ZFAT: variants seen among roughly 807,000 people sequenced by gnomAD.
ZFAT encodes zinc finger protein ZFAT.
ZFAT carries 64 observed loss-of-function variants against 117.7 expected under a neutral mutation model. The observed-to-expected ratio is 0.54, with a 90% CI of 0.44 to 0.67. ZFAT has a LOEUF of 0.67. ZFAT is among the 30% of genes least tolerant of loss of function. The pLI, the probability that ZFAT is intolerant of heterozygous loss-of-function variation, is 0.00. For missense variants in ZFAT, 1,433 were observed against 1,584.5 expected (o/e 0.90, Z 1.62); for synonymous variants, 679 against 615.0 (o/e 1.10, Z -1.54).
intron 1 of ZFAT, among the ~76,000 whole-genome samples, chr8:134,688,147 G>C (rs1039553653): frequency 6.6e-6 from 1 of 152,160 alleles, no homozygotes; most frequent in African/African-American, 2.4e-5. Flanking sequence ...GGGAAAAAAG[G>C]GCTTTGTAGA....
intron 1 of ZFAT, among the ~76,000 whole-genome samples, chr8:134,688,446 A>G (rs1267290381): frequency 1.3e-5 from 2 of 152,224 alleles, no homozygotes; most frequent in African/African-American, 4.8e-5. Flanking sequence ...TTTGAGAGAC[A>G]ATATAAACAA....
chr8:134,713,095 A>C, upstream of ZFAT: 1 of 429,478 alleles, frequency 2.3e-6, no homozygotes, highest in Non-Finnish European at 4.0e-6. Context: ...GCTTCGGGTG[A>C]CCCTCCCCCG....
At chr8:134,540,622 T>A (rs1469380627) in intron 11 of ZFAT, among the ~76,000 whole-genome samples, 2 of 152,186 alleles carry the variant, frequency 1.3e-5, no homozygotes, top group Non-Finnish European at 2.9e-5. Flanking sequence ...CCTATTAAAC[T>A]GTACCTACTT....
chr8:134,830,585 A>T, the ZFAT span, among the ~76,000 whole-genome samples: 1 of 152,238 alleles, frequency 6.6e-6, no homozygotes, highest in Non-Finnish European at 1.5e-5. Context: ...GGTTAACACC[A>T]AATTCACAGG....
At chr8:134,606,876 C>A (rs895937767) in intron 5 of ZFAT, among the ~76,000 whole-genome samples, 5 of 151,750 alleles carry the variant, frequency 3.3e-5, no homozygotes. Context: ...GCAATAAGAT[C>A]ATAAATGACT....
At chr8:134,600,394 C>T in intron 7 of ZFAT, 42 bp downstream of exon 7, 1 of 1,545,534 alleles carries the variant, frequency 6.5e-7, no homozygotes, top group South Asian at 1.1e-5. Context: ...AAGCAATGAG[C>T]ACCCAGGGGA....
At chr8:134,680,798 C>T (rs1833037932) in intron 1 of ZFAT, among the ~76,000 whole-genome samples, 1 of 152,090 alleles carries the variant, frequency 6.6e-6, no homozygotes, top group African/African-American at 2.4e-5. Flanking sequence ...AAACTATCTA[C>T]CGAAAAATGA....
intron 11 of ZFAT, among the ~76,000 whole-genome samples, chr8:134,559,501 C>T (rs564890535): frequency 7.0e-4 from 106 of 152,340 alleles, no homozygotes; most frequent in Non-Finnish European, 1.2e-3. Flanking sequence ...GATAACCCTG[C>T]ACAGTAAGCA....
rs747011049 is a variant in ZFAT, at chr8:134,590,279, G to C, written c.2552C>G (p.Thr851Ser). ...ATGCACAACCTTACCAGGATGGTTG[G>C]TCTTGATATGTGACTTTATCAATCG... ...EDRLIKSHIK[T>S]NHPEVSMSTI... Residue 851 changes from threonine (T) to serine (S), a missense_variant, in exon 8 of 16, where the codon ACC becomes AGC. Physicochemically the swap from Thr to Ser is moderately conservative, Grantham distance 58. Coordinates refer to ENST00000377838, the MANE Select transcript of ZFAT (RefSeq NM_020863.4). The C allele has an allele frequency of 1.2e-6, 2 of 1,612,680 alleles. No homozygotes were observed. Among genetic ancestry groups the C allele is most frequent in the Non-Finnish European group, 1.7e-6 (2 of 1,178,944 alleles).
At chr8:134,687,183 CACT>C (rs1833362643) in intron 1 of ZFAT, among the ~76,000 whole-genome samples, 1 of 152,132 alleles carries the variant, frequency 6.6e-6, no homozygotes, top group Non-Finnish European at 1.5e-5. Flanking sequence ...AAATGCACAC[CACT>C]AATTTGTGAA....
chr8:134,779,759 T>C, the ZFAT span, among the ~76,000 whole-genome samples: 38 of 152,338 alleles, frequency 2.5e-4, no homozygotes, highest in African/African-American at 9.1e-4. Context: ...CCTATTATAC[T>C]TTTACAGTAG....
chr8:134,731,884 G>T, the ZFAT span, among the ~76,000 whole-genome samples: 2 of 152,184 alleles, frequency 1.3e-5, no homozygotes, highest in African/African-American at 4.8e-5. Flanking sequence ...CAATGCACTT[G>T]TCACAGTCAT....
rs746459398 is a variant in ZFAT, at chr8:134,712,884, G to GA, written c.-22dup. 75 of 1,506,192 alleles carry GA rather than the reference G, an allele frequency of 5.0e-5. No homozygotes were observed. Among genetic ancestry groups the GA allele is most frequent in the Middle Eastern group, 1.9e-4 (1 of 5,390 alleles). 93.3% of individuals were successfully genotyped at this position (1,506,192 alleles called of 1,614,324 possible). On this transcript the variant is annotated 5_prime_UTR_variant, in exon 1 of 16. Transcript: ENST00000377838. ...TCCATGGCAACGCCCCACCGCGGAG[G>GA]AAAAAAAAGCCTCGGGCTCTTCCGG...
At chr8:134,519,433 T>C (rs755907219) in intron 13 of ZFAT, among the ~76,000 whole-genome samples, 1 of 152,232 alleles carries the variant, frequency 6.6e-6, no homozygotes, top group Non-Finnish European at 1.5e-5. Context: ...TTTATGTATG[T>C]ATATATGTGT....
chr8:134,804,699 G>A, the ZFAT span, among the ~76,000 whole-genome samples: 3 of 152,154 alleles, frequency 2.0e-5, no homozygotes, highest in African/African-American at 7.2e-5. Context: ...TGGGAAGCTC[G>A]AGACGGCATA....
At chr8:134,532,403 T>C (rs745853060) in intron 12 of ZFAT, among the ~76,000 whole-genome samples, 47 of 152,212 alleles carry the variant, frequency 3.1e-4, no homozygotes, top group African/African-American at 9.2e-4. Context: ...CCATTTAACA[T>C]TGAATTACAA....
At chr8:134,798,561 C>T in the ZFAT span, among the ~76,000 whole-genome samples, 1 of 151,992 alleles carries the variant, frequency 6.6e-6, no homozygotes, top group Non-Finnish European at 1.5e-5. Flanking sequence ...TGCATTAATT[C>T]AAACAAGAAA....
chr8:134,749,511 T>C, the ZFAT span, among the ~76,000 whole-genome samples: 1 of 152,160 alleles, frequency 6.6e-6, no homozygotes, highest in African/African-American at 2.4e-5. Context: ...ATACCACTCT[T>C]GAGGGTAGAG....
intron 7 of ZFAT, among the ~76,000 whole-genome samples, chr8:134,593,143 G>A (rs538667918): frequency 4.6e-5 from 7 of 152,282 alleles, no homozygotes; most frequent in African/African-American, 1.4e-4. Flanking sequence ...GCTGCCTCTC[G>A]GTGCCCGCAT....
Sources: gnomAD v4.1 joint callset for allele counts (sites outside exome capture counted in the v4.1 genomes callset) on GRCh38, gnomAD v4.1.1 for gene constraint, MANE v1.5 for transcripts, NCBI Gene and HGNC (gene_info 2026-07-23, HGNC 2026-07-21) for gene names.